ZNF718: variants seen among roughly 807,000 people sequenced by gnomAD.
ZNF718 encodes the protein zinc finger protein 718.
A neutral mutation model predicts 2.6 loss-of-function variants in ZNF718; 3 were observed. That is an observed-to-expected ratio of 1.16 (90% confidence interval 0.53 to 3.01). The LOEUF (loss-of-function observed/expected upper bound fraction) is 3.01, where lower values mean the gene tolerates loss of function less well. Among genes scored for constraint, ZNF718 ranks in the 30% most tolerant of loss-of-function variants. The probability of loss-of-function intolerance (pLI) is 0.03; values close to 1 mark genes in which losing one functional copy is unlikely to be tolerated. For missense variants in ZNF718, 468 were observed against 230.0 expected (o/e 2.03, Z -6.69); for synonymous variants, 135 against 77.9 (o/e 1.73, Z -3.86).
At chr4:176,795 A>C (rs1553819138) in intron 3 of ZNF718, among the ~76,000 whole-genome samples, 1 of 152,192 alleles carries the variant, frequency 6.6e-6, no homozygotes, top group African/African-American at 2.4e-5. Context: ...AAATAGACTC[A>C]TTCTCTTATT....
At chr4:156,979 T>C (rs1553813783) in intron 3 of ZNF718, among the ~76,000 whole-genome samples, 1 of 152,198 alleles carries the variant, frequency 6.6e-6, no homozygotes, top group African/African-American at 2.4e-5. Context: ...TCCATCTAGC[T>C]GTTCCGCTTA....
At chr4:183,339 A>G (rs1055715525) in intron 3 of ZNF718, among the ~76,000 whole-genome samples, 2 of 152,046 alleles carry the variant, frequency 1.3e-5, no homozygotes, top group Admixed American at 6.6e-5. Flanking sequence ...TGGGTTCTCT[A>G]TTCTGTTCCA....
chr4:158,787 T>C (rs1716690134), intron 3 of ZNF718, among the ~76,000 whole-genome samples: 1 of 151,982 alleles, frequency 6.6e-6, no homozygotes, highest in Non-Finnish European at 1.5e-5. Flanking sequence ...TATAGAACTT[T>C]ATATTTTTGT....
intron 3 of ZNF718, among the ~76,000 whole-genome samples, chr4:138,564 A>G (rs1264016227): frequency 6.6e-6 from 1 of 152,190 alleles, no homozygotes; most frequent in Non-Finnish European, 1.5e-5. Flanking sequence ...AATTTTGGCT[A>G]ATGTGAACAC....
chr4:139,992 T>C (rs1473937269), intron 3 of ZNF718, among the ~76,000 whole-genome samples: 6 of 152,176 alleles, frequency 3.9e-5, no homozygotes, highest in Admixed American at 3.9e-4. Flanking sequence ...CTGTTTATAA[T>C]TGCCCTGCCC....
At chr4:188,003 A>G (rs1372397894) in intron 3 of ZNF718, among the ~76,000 whole-genome samples, 1 of 152,210 alleles carries the variant, frequency 6.6e-6, no homozygotes, top group Admixed American at 6.5e-5. Context: ...TTGGGGTCCC[A>G]TTTAAAGAAA....
rs782715223 is a variant in ZNF718 at position 162,021 on chromosome 4, A to C, written c.1336A>C (p.Thr446Pro). ...CTTGAATAAACATAAGAAAATTCAC[A>C]CTGTAGATAAACCCTACAAATGTAA... ...SHLNKHKKIH[T>P]VDKPYKCKEC... Residue 446 changes from threonine (T) to proline (P), a missense_variant, in exon 4 of 4, where the codon ACT (threonine) becomes CCT (proline). Thr to Pro is a conservative substitution (Grantham distance 38). Transcript: ENST00000510175. 2.6e-6 allele frequency: 2 copies of C among 778,292 alleles called. No homozygotes were observed. Among genetic ancestry groups the C allele is most frequent in the East Asian group, 4.9e-5 (2 of 41,188 alleles). The allele number at this position is 778,292 out of a possible 1,614,324, so 48.2% of individuals were successfully genotyped here. A position where few individuals can be genotyped will look rare whatever the true frequency, so the allele number is the denominator to read the frequency against.
intron 3 of ZNF718, among the ~76,000 whole-genome samples, chr4:180,291 C>G (rs1246374724): frequency 6.6e-6 from 1 of 152,138 alleles, no homozygotes; most frequent in African/African-American, 2.4e-5. Flanking sequence ...TTATTATAAT[C>G]CAGGTTCAAA....
chr4:127,641 A>G (rs1202333146), intron 1 of ZNF718, among the ~76,000 whole-genome samples: 3 of 105,274 alleles, frequency 2.8e-5, no homozygotes, highest in African/African-American at 9.9e-5. Flanking sequence ...TGAGAAATAC[A>G]TGTTCTTTTA....
intron 3 of ZNF718, among the ~76,000 whole-genome samples, chr4:144,272 T>C (rs1211852030): frequency 1.3e-5 from 2 of 152,250 alleles, no homozygotes; most frequent in African/African-American, 4.8e-5. Context: ...TTGTTCAAGA[T>C]GCCAAGAACC....
At chr4:188,034 A>C (rs561450790) in intron 3 of ZNF718, among the ~76,000 whole-genome samples, 1 of 152,320 alleles carries the variant, frequency 6.6e-6, no homozygotes. Flanking sequence ...ATGCCTCGAC[A>C]AAACAGCCAT....
chr4:125,211 G>GC (rs1487669045), intron 1 of ZNF718: 1 of 154,156 alleles, frequency 6.5e-6, no homozygotes, highest in East Asian at 1.9e-4. Flanking sequence ...CGCCTCCTCC[G>GC]CGTGGCTGTT....
chr4:145,840 G>A (rs373090344), intron 3 of ZNF718, among the ~76,000 whole-genome samples: 182 of 152,010 alleles, frequency 1.2e-3, no homozygotes, highest in African/African-American at 4.1e-3. Context: ...ACAGAGTCCC[G>A]CTATATTGAC....
chr4:170,386 T>A (rs1439537343), intron 3 of ZNF718, among the ~76,000 whole-genome samples: 1 of 152,178 alleles, frequency 6.6e-6, no homozygotes, highest in Non-Finnish European at 1.5e-5. Flanking sequence ...TGAATTTGAA[T>A]GTTGGCCTTC....
downstream of ZNF718, among the ~76,000 whole-genome samples, chr4:166,904 T>C (rs1377264334): frequency 1.8e-5 from 2 of 113,618 alleles, no homozygotes; most frequent in African/African-American, 5.2e-5. Context: ...GTCTTTGGTG[T>C]TTTAGACATG....
At position 129,876 on chromosome 4, in the gene ZNF718, A is replaced by G. The variant is rs1168340592; in HGVS notation, c.4-912A>G. Among the ~76,000 whole-genome samples, 5 of 104,364 alleles carry G rather than the reference A, an allele frequency of 4.8e-5. 2 individuals are homozygous for G. Among genetic ancestry groups the G allele is most frequent in the African/African-American group, 1.7e-4 (5 of 30,166 alleles). The allele number at this position is 104,364 out of a possible 152,430, so 68.5% of individuals were successfully genotyped here. The stretch of plus-strand genomic sequence containing the variant: ...GCATGGGACTACTTTTCAGGATGTT[A>G]TAGTATTAACACACATAATGTGAAC... On this transcript the variant is annotated intron_variant, in intron 1 of 3. Coordinates refer to ENST00000510175, the MANE Select transcript of ZNF718 (RefSeq NM_001039127.6).
chr4:171,476 T>A (rs931540808), intron 3 of ZNF718, among the ~76,000 whole-genome samples: 2 of 151,838 alleles, frequency 1.3e-5, no homozygotes, highest in Non-Finnish European at 2.9e-5. Flanking sequence ...CCTCCTTGAA[T>A]TGCGGTGGGC....
At chr4:147,716 T>A (rs1553811679) in intron 3 of ZNF718, among the ~76,000 whole-genome samples, 1 of 152,046 alleles carries the variant, frequency 6.6e-6, no homozygotes, top group African/African-American at 2.4e-5. Flanking sequence ...TACAAAAAAT[T>A]AGCCAGTCGT....
chr4:186,810 A>G (rs1553820521), intron 3 of ZNF718, among the ~76,000 whole-genome samples: 1 of 152,138 alleles, frequency 6.6e-6, no homozygotes, highest in Non-Finnish European at 1.5e-5. Flanking sequence ...CAGCTCCTGC[A>G]TTGTTTTAAC....
Sources: gnomAD v4.1 joint callset for allele counts (sites outside exome capture counted in the v4.1 genomes callset) on GRCh38, gnomAD v4.1.1 for gene constraint, MANE v1.5 for transcripts, NCBI Gene and HGNC (gene_info 2026-07-23, HGNC 2026-07-21) for gene names.